The following RERE variants were observed in gnomAD, a reference collection of about 807,000 sequenced individuals.
RERE encodes the protein arginine-glutamic acid dipeptide repeats protein.
RERE carries 40 observed loss-of-function variants against 146.1 expected under a neutral mutation model. That is an observed-to-expected ratio of 0.27 (90% confidence interval 0.21 to 0.36). The LOEUF (loss-of-function observed/expected upper bound fraction) is 0.36, where lower values mean the gene tolerates loss of function less well. Ranked by LOEUF, RERE falls within the 10% of genes least tolerant of loss-of-function variation. RERE has a pLI of 1.00. For missense variants in RERE, 1,933 were observed against 2,138.7 expected (o/e 0.90, Z 1.90); for synonymous variants, 1,003 against 866.0 (o/e 1.16, Z -2.78).
chr1:8,587,965 C>A (rs896901754), intron 4 of RERE, among the ~76,000 whole-genome samples: 2 of 152,190 alleles, frequency 1.3e-5, no homozygotes, highest in African/African-American at 4.8e-5. Context: ...TAGTGTTACT[C>A]GCTTTGAAAC....
At chr1:8,551,788 GT>G (rs1411344908) in intron 6 of RERE, among the ~76,000 whole-genome samples, 2 of 152,128 alleles carry the variant, frequency 1.3e-5, no homozygotes, top group Admixed American at 6.5e-5. Context: ...TTTGTCAAAG[GT>G]TAGCTCAAAC....
intron 12 of RERE, among the ~76,000 whole-genome samples, chr1:8,408,884 T>C (rs1214132097): frequency 6.6e-6 from 1 of 152,030 alleles, no homozygotes; most frequent in African/African-American, 2.4e-5. Context: ...CAAGTAGAAG[T>C]GAATACAACG....
At chr1:8,369,157 T>C (rs913092842) in intron 12 of RERE, among the ~76,000 whole-genome samples, 1 of 152,044 alleles carries the variant, frequency 6.6e-6, no homozygotes. Context: ...GCTACAAATG[T>C]GCCACCGCAC....
intron 1 of RERE, among the ~76,000 whole-genome samples, chr1:8,704,215 T>C (rs1258702772): frequency 1.3e-5 from 2 of 152,224 alleles, no homozygotes; most frequent in African/African-American, 2.4e-5. Flanking sequence ...AATATATATA[T>C]CAACTTGCTA....
intron 1 of RERE, among the ~76,000 whole-genome samples, chr1:8,679,925 GA>G (rs1638925793): frequency 6.6e-6 from 1 of 152,200 alleles, no homozygotes; most frequent in Non-Finnish European, 1.5e-5. Flanking sequence ...GAGGAAGCGG[GA>G]AAGAACTCAT....
At chr1:8,680,320 A>C (rs1210252289) in intron 1 of RERE, among the ~76,000 whole-genome samples, 1 of 152,136 alleles carries the variant, frequency 6.6e-6, no homozygotes, top group Non-Finnish European at 1.5e-5. Context: ...ATGATCTCTG[A>C]GGGGAAAGGT....
intron 8 of RERE, among the ~76,000 whole-genome samples, chr1:8,501,157 A>AGG (rs1326660369): frequency 2.3e-5 from 3 of 132,702 alleles, no homozygotes; most frequent in South Asian, 5.0e-4. Flanking sequence ...CCCGTCCGGG[A>AGG]GGGGGGGTCA....
At chr1:8,437,018 A>C (rs1381975600) in intron 11 of RERE, among the ~76,000 whole-genome samples, 4 of 152,184 alleles carry the variant, frequency 2.6e-5, no homozygotes, top group Admixed American at 2.6e-4. Flanking sequence ...CAAAATAACT[A>C]TACTGTTAGA....
intron 11 of RERE, among the ~76,000 whole-genome samples, chr1:8,428,947 C>T (rs1644055400): frequency 6.6e-6 from 1 of 152,158 alleles, no homozygotes; most frequent in South Asian, 2.1e-4. Flanking sequence ...CTGGTCCTCA[C>T]CTCTCCACCT....
At chr1:8,564,870 G>GTGTGTGTGTGTATA (rs1269710840) in intron 4 of RERE, among the ~76,000 whole-genome samples, 122 of 127,374 alleles carry the variant, frequency 9.6e-4, no homozygotes, top group Non-Finnish European at 1.2e-3. Context: ...GTGTGTGTGT[G>GTGTGTGTGTGTATA]TATATATATA....
Position 8,497,479 on chromosome 1 carries a change from C to A in RERE, c.930G>T (p.Val310=). The change falls in exon 9 of 23, where the codon GTG becomes GTT. Residue 310 remains valine (V), a synonymous_variant. Transcript: ENST00000400908. The part of the protein sequence containing the change: ...QPFPSPDGDT[V]TQHEELVWMP... Reference sequence around the variant, plus strand: ...TCCAGACCAGTTCCTCATGTTGGGTCACTGTATCACCATCTGGAGAAGGAA... The same window carrying A: ...TCCAGACCAGTTCCTCATGTTGGGTAACTGTATCACCATCTGGAGAAGGAA... 1 of 1,614,104 alleles carries A rather than the reference C, an allele frequency of 6.2e-7. No homozygotes were observed. The highest frequency in any genetic ancestry group is 8.5e-7 in the Non-Finnish European group (1 of 1,180,000).
intron 12 of RERE, among the ~76,000 whole-genome samples, chr1:8,375,846 CA>C (rs1642226925): frequency 2.0e-5 from 3 of 151,524 alleles, no homozygotes; most frequent in Admixed American, 2.0e-4. Context: ...GCTTTATTTA[CA>C]AACAAGCAAA....
intron 1 of RERE, among the ~76,000 whole-genome samples, chr1:8,731,592 T>C (rs1569657760): frequency 6.9e-6 from 1 of 145,088 alleles, no homozygotes; most frequent in African/African-American, 2.6e-5. Flanking sequence ...AGCTCCAGTA[T>C]AAAAAAAAAA....
chr1:8,772,230 AT>A (rs200104207), intron 1 of RERE, among the ~76,000 whole-genome samples: 1 of 151,880 alleles, frequency 6.6e-6, no homozygotes, highest in Non-Finnish European at 1.5e-5. Flanking sequence ...ACATATGCTT[AT>A]TTTTTTTAAT....
chr1:8,655,892 A>C, intron 2 of RERE, 81 bp downstream of exon 2: 1 of 1,539,636 alleles, frequency 6.5e-7, no homozygotes, highest in Non-Finnish European at 8.7e-7. Context: ...TAAAGTGTAC[A>C]AAGCGTATTT....
intron 1 of RERE, among the ~76,000 whole-genome samples, chr1:8,669,600 C>T (rs1416397031): frequency 6.6e-6 from 1 of 152,150 alleles, no homozygotes; most frequent in Admixed American, 6.5e-5. Context: ...TGAGAAAAAC[C>T]ACCTTTTAAA....
At chr1:8,463,580 G>A (rs529636925) in intron 11 of RERE, among the ~76,000 whole-genome samples, 4 of 152,348 alleles carry the variant, frequency 2.6e-5, no homozygotes, top group African/African-American at 9.6e-5. Flanking sequence ...TCAGCAGGAA[G>A]AGAGGACTTT....
rs56224906 is a variant in RERE at position 8,731,592 on chromosome 1, T to TAA, written c.-144-75153_-144-75152dup. ...CCACCACATCAACAGAGCTCCAGTATAAAAAAAAAAATGCATTACAACTGA... is the reference window on the plus strand; with the variant it reads ...CCACCACATCAACAGAGCTCCAGTATAAAAAAAAAAAAATGCATTACAACTGA... On this transcript the variant is annotated intron_variant, in intron 1 of 22. Coordinates refer to ENST00000400908, the MANE Select transcript of RERE (RefSeq NM_001042681.2). Among the ~76,000 whole-genome samples, 280 of 145,130 alleles carry TAA rather than the reference T, an allele frequency of 1.9e-3. 4 individuals are homozygous for TAA. Among genetic ancestry groups the TAA allele is most frequent in the South Asian group, 3.9e-3 (18 of 4,594 alleles).
intron 1 of RERE, among the ~76,000 whole-genome samples, chr1:8,709,804 T>A (rs1263327608): frequency 6.6e-6 from 1 of 152,210 alleles, no homozygotes. Context: ...ATACATGTAT[T>A]TCTACACTGA....
Sources: gnomAD v4.1 joint callset for allele counts (sites outside exome capture counted in the v4.1 genomes callset) on GRCh38, gnomAD v4.1.1 for gene constraint, MANE v1.5 for transcripts, NCBI Gene and HGNC (gene_info 2026-07-23, HGNC 2026-07-21) for gene names.